LRSAM1: variants seen among roughly 807,000 people sequenced by gnomAD.
The protein encoded by LRSAM1 is E3 ubiquitin-protein ligase LRSAM1.
A neutral mutation model predicts 118.1 loss-of-function variants in LRSAM1; 96 were observed. The ratio of observed to expected loss-of-function variants is 0.81; its 90% CI spans 0.69 to 0.96. The LOEUF (loss-of-function observed/expected upper bound fraction) is 0.96, where lower values mean the gene tolerates loss of function less well. LRSAM1 is among the 40% of genes least tolerant of loss of function. The pLI is 0.00. For synonymous variants in LRSAM1, 322 were observed against 364.2 expected (o/e 0.88, Z 1.32); for missense variants, 804 against 915.5 (o/e 0.88, Z 1.57).
intron 25 of LRSAM1, among the ~76,000 whole-genome samples, chr9:127,502,128 C>A (rs954409191): frequency 1.3e-5 from 2 of 152,260 alleles, no homozygotes; most frequent in Non-Finnish European, 2.9e-5. Context: ...CCTGAACACC[C>A]TGCGTGCCCT....
intron 24 of LRSAM1, 23 bp from the exon 25 acceptor site, chr9:127,500,987 G>T: frequency 1.2e-6 from 2 of 1,613,660 alleles, no homozygotes; most frequent in African/African-American, 2.7e-5. Context: ...CCCTGGCTCA[G>T]TCTGTCTGTC....
intron 16 of LRSAM1, among the ~76,000 whole-genome samples, chr9:127,484,649 A>G (rs1407792942): frequency 5.9e-5 from 9 of 151,476 alleles, no homozygotes; most frequent in Non-Finnish European, 1.3e-4. Context: ...GTGAGCCGCC[A>G]TGTCCAGCGT....
Position 127,479,809 on chromosome 9 carries a change from G to A in LRSAM1, c.904-30G>A, listed in dbSNP as rs747681215. The stretch of plus-strand genomic sequence containing the variant: ...CCTCACGGCGTCTGAGGGGGTCCCA[G>A]GGGCTCAGGACCCCTACCTCCGGCT... On this transcript the variant is annotated intron_variant, in intron 13 of 25. Transcript: ENST00000300417. 70 of 1,607,946 alleles carry A rather than the reference G, an allele frequency of 4.4e-5. No individual in the cohort carries two copies. In the Middle Eastern group the frequency reaches 1.3e-3, roughly 31 times the overall value.
At position 127,471,723 on chromosome 9, in the gene LRSAM1, G is replaced by C. The variant is rs1245396658; in HGVS notation, c.620-2078G>C. 7.6e-4 allele frequency among the ~76,000 whole-genome samples: 113 copies of C among 149,328 alleles called. 2 individuals are homozygous for C. The highest frequency in any genetic ancestry group is 1.3e-3 in the Non-Finnish European group (83 of 66,286). ...AATCGCTTGAACCCATGAGGCAGAGGCTGCAGTGAGCTGAGATCTCGCCAC... is the reference window on the plus strand; with the variant it reads ...AATCGCTTGAACCCATGAGGCAGAGCCTGCAGTGAGCTGAGATCTCGCCAC... On this transcript the variant is annotated intron_variant, in intron 10 of 25. Coordinates refer to ENST00000300417, the MANE Select transcript of LRSAM1 (RefSeq NM_001005373.4).
At position 127,488,402 on chromosome 9, in the gene LRSAM1, C is replaced by T. The variant is rs748095281; in HGVS notation, c.1347+639C>T. Among the ~76,000 whole-genome samples the T allele has an allele frequency of 1.2e-4, 19 of 152,106 alleles. No homozygotes were observed. The South Asian group carries it at 2.5e-3, about 20-fold the overall frequency. Reference sequence around the variant, plus strand: ...TCAGCCTCCCAAGTAGCTAGGATTACGGGCACCCACCAACACGCCCAACTA... The same window carrying T: ...TCAGCCTCCCAAGTAGCTAGGATTATGGGCACCCACCAACACGCCCAACTA... On this transcript the variant is annotated intron_variant, in intron 18 of 25. Coordinates refer to ENST00000300417, the MANE Select transcript of LRSAM1 (RefSeq NM_001005373.4).
At chr9:127,463,558 C>T (rs1377908959) in intron 9 of LRSAM1, among the ~76,000 whole-genome samples, 1 of 152,146 alleles carries the variant, frequency 6.6e-6, no homozygotes, top group African/African-American at 2.4e-5. Flanking sequence ...TGTCCGGGTC[C>T]AAATTCCCTC....
intron 2 of LRSAM1, 54 bp from the exon 3 acceptor site, chr9:127,454,442 G>A: frequency 1.5e-6 from 2 of 1,363,684 alleles, no homozygotes; most frequent in South Asian, 2.4e-5. Flanking sequence ...CCTGTCCCGG[G>A]TGTTGGGGGC....
intron 2 of LRSAM1, 49 bp from the exon 3 acceptor site, chr9:127,454,447 G>C: frequency 7.0e-7 from 1 of 1,429,740 alleles, no homozygotes; most frequent in Non-Finnish European, 9.8e-7. Context: ...CCCGGGTGTT[G>C]GGGGCTGTGA....
intron 5 of LRSAM1, among the ~76,000 whole-genome samples, chr9:127,456,038 C>A (rs943134161): frequency 6.6e-6 from 1 of 151,936 alleles, no homozygotes; most frequent in Non-Finnish European, 1.5e-5. Context: ...TAGAAACTCA[C>A]GCCTTTTATT....
intron 23 of LRSAM1, among the ~76,000 whole-genome samples, chr9:127,496,345 A>G (rs1012350575): frequency 2.0e-5 from 3 of 152,228 alleles, no homozygotes; most frequent in Non-Finnish European, 4.4e-5. Flanking sequence ...CTGGATCTTC[A>G]GACTGGAGGG....
chr9:127,480,124 C>G (rs1835484649), intron 14 of LRSAM1, 146 bp downstream of exon 14: 1 of 1,071,444 alleles, frequency 9.3e-7, no homozygotes. Flanking sequence ...CTTCAACTGG[C>G]ACCAGCGTAG....
rs753421683 is a variant in LRSAM1 at position 127,454,620 on chromosome 9, T to G, written c.72+21T>G. 4 of 1,611,818 alleles carry G rather than the reference T, an allele frequency of 2.5e-6. No homozygotes were observed. In the Admixed American group the frequency reaches 6.7e-5, roughly 27 times the overall value. On this transcript the variant is annotated intron_variant, in intron 3 of 25. Coordinates refer to ENST00000300417, the MANE Select transcript of LRSAM1 (RefSeq NM_001005373.4). Reference sequence around the variant, plus strand: ...GTTTGGTGAGGGAAAGTGGGTTTCCTCTAACTCTATCCCATCTCCTCCTCG... The same window carrying G: ...GTTTGGTGAGGGAAAGTGGGTTTCCGCTAACTCTATCCCATCTCCTCCTCG...
rs1835257115 is a variant in LRSAM1, at chr9:127,473,787, C to G, written c.620-14C>G. ...CTCCTCCCTCCTGGTCAGCTTGTGT[C>G]CCGTCTCTTACAGAGTCAGGGCTGG... On this transcript the variant is annotated splice_polypyrimidine_tract_variant and intron_variant, in intron 10 of 25. Transcript: ENST00000300417. The G allele has an allele frequency of 1.9e-6, 3 of 1,613,994 alleles. No individual in the cohort carries two copies. The highest frequency in any genetic ancestry group is 3.3e-5 in the Admixed American group (2 of 59,998).
At chr9:127,479,352 G>A (rs1488654005) in intron 12 of LRSAM1, 31 bp from the exon 13 acceptor site, 1 of 1,614,028 alleles carries the variant, frequency 6.2e-7, no homozygotes, top group South Asian at 1.1e-5. Context: ...CAGGGCCTGT[G>A]CTGACAGTCA....
At chr9:127,494,860 G>A (rs1041965065) in intron 21 of LRSAM1, among the ~76,000 whole-genome samples, 33 of 152,208 alleles carry the variant, frequency 2.2e-4, no homozygotes, top group African/African-American at 7.7e-4. Context: ...CTGGGTGACA[G>A]AGCAAGAGTC....
Position 127,454,598 on chromosome 9 carries a change from T to TGGTGAGGGAAAGTGGGTTTCCTC in LRSAM1, c.72_72+22dup, listed in dbSNP as rs766700610. The TGGTGAGGGAAAGTGGGTTTCCTC allele has an allele frequency of 6.2e-7, 1 of 1,613,870 alleles. No homozygotes were observed. Among genetic ancestry groups the TGGTGAGGGAAAGTGGGTTTCCTC allele is most frequent in the Non-Finnish European group, 8.5e-7 (1 of 1,179,932 alleles). On this transcript the variant is annotated frameshift_variant and splice_region_variant, in exon 3 of 26. Coordinates refer to ENST00000300417, the MANE Select transcript of LRSAM1 (RefSeq NM_001005373.4). LOFTEE classifies it high-confidence loss of function. ...AAACGCCTGGAGTACCAGATGTGTTTGGTGAGGGAAAGTGGGTTTCCTCTA... is the reference window on the plus strand; with the variant it reads ...AAACGCCTGGAGTACCAGATGTGTTTGGTGAGGGAAAGTGGGTTTCCTCGGTGAGGGAAAGTGGGTTTCCTCTA...
intron 6 of LRSAM1, 115 bp from the exon 7 acceptor site, chr9:127,458,888 C>G: frequency 1.3e-5 from 12 of 888,972 alleles, no homozygotes; most frequent in East Asian, 2.5e-5. Flanking sequence ...GAGTGGCAGG[C>G]ACTCTGTTTC....
At position 127,467,811 on chromosome 9, in the gene LRSAM1, C is replaced by T; in HGVS notation, c.600C>T (p.Ile200=). The T allele has an allele frequency of 1.9e-6, 3 of 1,602,450 alleles. No homozygotes were observed. Among genetic ancestry groups the T allele is most frequent in the Non-Finnish European group, 2.6e-6 (3 of 1,176,234 alleles). The part of the protein sequence containing the change: ...REVCGAGTAA[I]LQFLCKESGL... ...TGTGTGGTGCCGGCACTGCGGCCAT[C>T]TTGCAGTTCCTCTGCAAAGGTAAAG... The change falls in exon 10 of 26, where the codon ATC becomes ATT. Residue 200 remains isoleucine (I), a synonymous_variant. Transcript: ENST00000300417.
At chr9:127,500,789 CAG>C (rs1336309580) in intron 24 of LRSAM1, among the ~76,000 whole-genome samples, 3 of 152,204 alleles carry the variant, frequency 2.0e-5, no homozygotes, top group Non-Finnish European at 2.9e-5. Flanking sequence ...GCCATCCCTG[CAG>C]AGAGAGACTT....
Sources: gnomAD v4.1 joint callset for allele counts (sites outside exome capture counted in the v4.1 genomes callset) on GRCh38, gnomAD v4.1.1 for gene constraint, MANE v1.5 for transcripts, NCBI Gene and HGNC (gene_info 2026-07-23, HGNC 2026-07-21) for gene names.